POLR1A: variants seen among roughly 807,000 people sequenced by gnomAD.
POLR1A encodes the protein DNA-directed RNA polymerase I subunit RPA1.
Under a neutral mutation model 205.3 loss-of-function variants are expected in POLR1A, and 84 were observed. The observed-to-expected ratio is 0.41, with a 90% CI of 0.34 to 0.49. The LOEUF (loss-of-function observed/expected upper bound fraction) is 0.49. POLR1A is among the 20% of genes least tolerant of loss of function. The pLI, the probability that POLR1A is intolerant of heterozygous loss-of-function variation, is 0.22. For synonymous variants in POLR1A, 799 were observed against 863.7 expected, an observed-to-expected ratio of 0.93 and a Z score of 1.31; for missense variants, 1,645 against 2,204.5, an observed-to-expected ratio of 0.75 and a Z score of 5.08.
rs1324175971 is a variant in POLR1A at position 86,022,681 on chromosome 2, T to C, written c.*4742A>G. ...ACAGCTCATTGCAGCCTTGAACTCC[T>C]GGGCTCACTTGCTCCTCTCACCTCA... On this transcript the variant is annotated 3_prime_UTR_variant, in exon 34 of 34. Coordinates refer to ENST00000263857, the MANE Select transcript of POLR1A (RefSeq NM_015425.6). 1 of 152,170 alleles carries C rather than the reference T, an allele frequency of 6.6e-6. No homozygotes were observed. The highest frequency in any genetic ancestry group is 2.4e-5 in the African/African-American group (1 of 41,432). 9.4% of individuals were successfully genotyped at this position (152,170 alleles called of 1,614,324 possible).
chr2:86,023,250 C>T lies in POLR1A; in HGVS notation c.*4173G>A, dbSNP rs547748870. On this transcript the variant is annotated 3_prime_UTR_variant, in exon 34 of 34. Coordinates refer to ENST00000263857, the MANE Select transcript of POLR1A (RefSeq NM_015425.6). Reference sequence around the variant, plus strand: ...TAGGCCCAGCAACTCTGTGACCTATCTAAACTACACAACCTCAAGGGCAGG... The same window carrying T: ...TAGGCCCAGCAACTCTGTGACCTATTTAAACTACACAACCTCAAGGGCAGG... The T allele has an allele frequency of 6.6e-6, 1 of 152,328 alleles. No homozygotes were observed. Among genetic ancestry groups the T allele is most frequent in the East Asian group, 1.9e-4 (1 of 5,186 alleles). 9.4% of individuals were successfully genotyped at this position (152,328 alleles called of 1,614,324 possible).
In POLR1A at chr2:86,038,873, C is replaced by G; in HGVS notation, c.3877-16G>C. ...TCTGCAACACCTGGAACCAGACGGA[C>G]AGAGAGAACTTGACTTGTTCAGGTC... On this transcript the variant is annotated splice_polypyrimidine_tract_variant and intron_variant, in intron 26 of 33. Transcript: ENST00000263857. The G allele has an allele frequency of 1.2e-6, 2 of 1,613,580 alleles. No individual in the cohort carries two copies. The highest frequency in any genetic ancestry group is 1.3e-5 in the African/African-American group (1 of 75,028).
rs1043899239 is a variant in POLR1A at position 86,070,792 on chromosome 2, A to G, written c.1612-520T>C. 1.3e-5 allele frequency among the ~76,000 whole-genome samples: 2 copies of G among 151,762 alleles called. No homozygotes were observed. The highest frequency in any genetic ancestry group is 2.9e-5 in the Non-Finnish European group (2 of 67,918). On this transcript the variant is annotated intron_variant, in intron 12 of 33. Coordinates refer to ENST00000263857, the MANE Select transcript of POLR1A (RefSeq NM_015425.6). This position sits in a 1 kb window ranked among gnomAD's most constrained non-coding sequence, Gnocchi z 4.4. ...CCAGCTTCATATAGCAGAGCCAGAA[A>G]AGGGTTCTTAGTTAGTTCAATGCCC... is the stretch of plus-strand genomic sequence containing the variant.
intron 28 of POLR1A, among the ~76,000 whole-genome samples, chr2:86,033,299 G>A (rs1051620814): frequency 4.6e-5 from 7 of 152,228 alleles, no homozygotes; most frequent in African/African-American, 1.4e-4. Flanking sequence ...TGGGCAAGTC[G>A]AAGGCAGAGC....
intron 6 of POLR1A, among the ~76,000 whole-genome samples, chr2:86,085,250 C>T (rs1352641216): frequency 6.6e-6 from 1 of 151,978 alleles, no homozygotes; most frequent in Non-Finnish European, 1.5e-5. Context: ...TGTAAGCCAC[C>T]GTGCCCGGCC....
chr2:86,091,311 G>A (rs1184671469), intron 3 of POLR1A, among the ~76,000 whole-genome samples: 1 of 152,092 alleles, frequency 6.6e-6, no homozygotes, highest in Non-Finnish European at 1.5e-5. Context: ...ACTAGAGATA[G>A]CATCTTGTTA....
intron 27 of POLR1A, among the ~76,000 whole-genome samples, chr2:86,034,172 G>A (rs981973308): frequency 4.6e-5 from 7 of 152,180 alleles, no homozygotes; most frequent in Non-Finnish European, 1.0e-4. Flanking sequence ...GGCAGAGTGC[G>A]TGCTTGGTGA....
chr2:86,054,340 A>T (rs777703773), intron 14 of POLR1A, 51 bp from the exon 15 acceptor site: 2 of 1,591,684 alleles, frequency 1.3e-6, no homozygotes, highest in Non-Finnish European at 1.7e-6. Flanking sequence ...GTGATGGCAA[A>T]ATGAGGACAA....
chr2:86,041,767 C>G (rs949332889), intron 24 of POLR1A, 122 bp downstream of exon 24: 1 of 801,490 alleles, frequency 1.2e-6, no homozygotes, highest in Non-Finnish European at 2.1e-6. Context: ...TGCCCTCCCT[C>G]TAGCTGAAGT....
intron 12 of POLR1A, among the ~76,000 whole-genome samples, chr2:86,072,397 A>G (rs913330818): frequency 7.9e-5 from 12 of 152,336 alleles, no homozygotes; most frequent in Non-Finnish European, 1.5e-4. Context: ...CCCAAGCCCA[A>G]TAAGCCAGGC....
At chr2:86,033,619 C>A in intron 28 of POLR1A, 42 bp downstream of exon 28, 1 of 1,601,992 alleles carries the variant, frequency 6.2e-7, no homozygotes, top group Non-Finnish European at 8.5e-7. Context: ...AGTCTGGGGG[C>A]TGTCCCTGTG....
intron 9 of POLR1A, 39 bp downstream of exon 9, chr2:86,080,777 C>A (rs1167535961): frequency 1.3e-6 from 2 of 1,559,822 alleles, no homozygotes; most frequent in Non-Finnish European, 1.7e-6. Flanking sequence ...TAGCACTAAG[C>A]ATGTGTGCTC....
chr2:86,039,517 G>A (rs1672561834), intron 25 of POLR1A, 55 bp from the exon 26 acceptor site: 2 of 1,603,976 alleles, frequency 1.2e-6, no homozygotes, highest in Non-Finnish European at 1.7e-6. Context: ...CCTTCTGTTT[G>A]GGTGCAGCTT....
At chr2:86,044,688 G>C (rs1428447743) in intron 21 of POLR1A, among the ~76,000 whole-genome samples, 1 of 152,244 alleles carries the variant, frequency 6.6e-6, no homozygotes, top group Non-Finnish European at 1.5e-5. Flanking sequence ...CAGGGGAGCT[G>C]TCAAGGATTC....
At chr2:86,034,233 T>A (rs1183061997) in intron 27 of POLR1A, among the ~76,000 whole-genome samples, 1 of 152,124 alleles carries the variant, frequency 6.6e-6, no homozygotes, top group Non-Finnish European at 1.5e-5. Context: ...GAAGGCAGAA[T>A]CTACTGTAGG....
intron 31 of POLR1A, among the ~76,000 whole-genome samples, chr2:86,029,372 C>T (rs986606433): frequency 1.1e-4 from 16 of 151,992 alleles, no homozygotes; most frequent in African/African-American, 3.6e-4. Flanking sequence ...GCCCCAGTTC[C>T]TCAGTGTTCT....
intron 14 of POLR1A, among the ~76,000 whole-genome samples, chr2:86,054,968 G>A (rs780465855): frequency 6.6e-6 from 1 of 152,196 alleles, no homozygotes; most frequent in Non-Finnish European, 1.5e-5. Context: ...ACAGCGCTTA[G>A]TGTGCCTGCA....
intron 3 of POLR1A, among the ~76,000 whole-genome samples, chr2:86,090,971 G>A (rs1673590882): frequency 6.6e-6 from 1 of 152,088 alleles, no homozygotes; most frequent in African/African-American, 2.4e-5. Context: ...CCTTTAAAAA[G>A]AACAAATTTA....
rs190343531 is a variant in POLR1A, at chr2:86,096,723, T to C, written c.432+1888A>G. On this transcript the variant is annotated intron_variant, in intron 3 of 33. Transcript: ENST00000263857. ...ATGCTGGGAAAACTAGATATCCATA[T>C]GCAGAAGAATGAAACTAGATCTCCA... Among the ~76,000 whole-genome samples the C allele has an allele frequency of 2.0e-5, 3 of 152,160 alleles. No homozygotes were observed. The South Asian group carries it at 6.2e-4, about 32-fold the overall frequency.
Sources: allele counts gnomAD v4.1 joint callset (sites outside exome capture counted in the v4.1 genomes callset), GRCh38; gene constraint gnomAD v4.1.1; non-coding constraint Gnocchi (gnomAD v3.1); transcripts MANE v1.5; gene names NCBI Gene and HGNC (gene_info 2026-07-23, HGNC 2026-07-21).